OR52E8: variants seen among roughly 807,000 people sequenced by gnomAD.
The protein encoded by OR52E8 is olfactory receptor family 52 subfamily E member 8.
For synonymous variants in OR52E8, 167 were observed against 141.1 expected (o/e 1.18, Z -1.30); for missense variants, 451 against 383.9 (o/e 1.17, Z -1.46).
In OR52E8 at chr11:5,857,150, A is replaced by T; in HGVS notation, c.541T>A (p.Cys181Ser). 2 of 1,609,898 alleles carry T rather than the reference A, an allele frequency of 1.2e-6. No homozygotes were observed. Among genetic ancestry groups the T allele is most frequent in the South Asian group, 2.2e-5 (2 of 91,072 alleles). ...CGHRIIPHTY[C>S]EHMGIARLAC... Reference sequence around the variant, plus strand: ...AGACGGGCAATGCCCATGTGCTCACAATAAGTATGAGGGATGATACGATGC... The same window carrying T: ...AGACGGGCAATGCCCATGTGCTCACTATAAGTATGAGGGATGATACGATGC... The change falls in exon 1 of 1, where the codon TGT becomes AGT. Residue 181 changes from cysteine to serine, a missense_variant. Transcript: ENST00000537935.
Position 5,857,321 on chromosome 11 carries a change from G to A in OR52E8, c.370C>T (p.Arg124Cys), listed in dbSNP as rs199516514. The change falls in exon 1 of 1, where the codon CGC (arginine) becomes TGC (cysteine). Residue 124 changes from arginine (R) to cysteine (C), a missense_variant. Transcript: ENST00000537935. ...AGAGGTTTGCAAATGGCAATGTAGC[G>A]GTCAAAGGCCATGGCCACCAACACA... is the stretch of plus-strand genomic sequence containing the variant. ...SIVLVAMAFD[R>C]YIAICKPLRY... 204 of 1,610,114 alleles carry A rather than the reference G, an allele frequency of 1.3e-4. 2 individuals carry two copies. The highest frequency in any genetic ancestry group is 1.7e-4 in the Admixed American group (10 of 59,896).
rs1169290004 is a variant in OR52E8, at chr11:5,857,224, T to C, written c.467A>G (p.Tyr156Cys). 2 of 1,609,850 alleles carry C rather than the reference T, an allele frequency of 1.2e-6. No homozygotes were observed. The change falls in exon 1 of 1, where the codon TAC becomes TGC. Residue 156 changes from tyrosine to cysteine, a missense_variant. By Grantham distance (194) the Tyr-to-Cys change is radical. Transcript: ENST00000537935. ...IAGIAVLRSL[Y>C]MVVPLVFLLL... ...GAGAAACACCAGTGGAACAACCATG[T>C]ACAGGCTCCTCAGGACAGCAATGCC...
chr11:5,856,915 G>A lies in OR52E8; in HGVS notation c.776C>T (p.Ser259Leu), dbSNP rs781170349. Reference sequence around the variant, plus strand: ...ATGGCCAAAACGATGTGTCAAGAATGAAAAAAATGCTGGTGTAAAAAAGGC... The same window carrying A: ...ATGGCCAAAACGATGTGTCAAGAATAAAAAAAATGCTGGTGTAAAAAAGGC... ...ILAFFTPAFF[S>L]FLTHRFGHNI... The change falls in exon 1 of 1, where the codon TCA becomes TTA. Residue 259 changes from serine to leucine, a missense_variant. Ser to Leu is a moderately radical substitution (Grantham distance 145, BLOSUM62 -2). Transcript: ENST00000537935. 2 of 1,604,706 alleles carry A rather than the reference G, an allele frequency of 1.2e-6. No homozygotes were observed. Among genetic ancestry groups the A allele is most frequent in the East Asian group, 4.5e-5 (2 of 44,804 alleles).
chr11:5,857,264 T>C lies in OR52E8; in HGVS notation c.427A>G (p.Ile143Val), dbSNP rs779572622. 1.4e-5 allele frequency: 22 copies of C among 1,610,070 alleles called. 1 individual carries two copies. The highest frequency in any genetic ancestry group is 1.9e-5 in the Non-Finnish European group (22 of 1,179,932). ...RYTMILTSKI[I>V]SLIAGIAVLR... ...ACAGCAATGCCTGCAATGAGGCTGATGATTTTGCTGGTGAGGATCATGGTG... is the reference window on the plus strand; with the variant it reads ...ACAGCAATGCCTGCAATGAGGCTGACGATTTTGCTGGTGAGGATCATGGTG... Residue 143 changes from isoleucine (I) to valine (V), a missense_variant, in exon 1 of 1, where the codon ATC becomes GTC. Transcript: ENST00000537935.
In OR52E8 at chr11:5,857,241, AGCAATGCCT is replaced by A; in HGVS notation, c.441_449del (p.Gly148_Ala150del). On this transcript the variant is annotated inframe_deletion, in exon 1 of 1. Transcript: ENST00000537935. ...CAACCATGTACAGGCTCCTCAGGAC[AGCAATGCCT>A]GCAATGAGGCTGATGATTTTGCTGG... 6.2e-7 allele frequency: 1 copy of A among 1,610,080 alleles called. No individual in the cohort carries two copies. The highest frequency in any genetic ancestry group is 2.2e-5 in the East Asian group (1 of 44,842).
rs570172128 is a variant in OR52E8, at chr11:5,857,460, T to C, written c.231A>G (p.Thr77=). 5 of 1,610,048 alleles carry C rather than the reference T, an allele frequency of 3.1e-6. No individual in the cohort carries two copies. The highest frequency in any genetic ancestry group is 1.1e-5 in the South Asian group (1 of 91,068). The change falls in exon 1 of 1, where the codon ACA becomes ACG. Residue 77 remains threonine (T), a synonymous_variant. Transcript: ENST00000537935. ...TGCCCAACATTTTGGGGATGGTGGC[T>C]GTAGACAAGCCCAGGTCAATGGAAT... The part of the protein sequence containing the change: ...MLDSIDLGLS[T]ATIPKMLGIF...
Position 5,857,473 on chromosome 11 carries a change from A to T in OR52E8, c.218T>A (p.Leu73Gln). The T allele has an allele frequency of 6.2e-7, 1 of 1,610,016 alleles. No individual in the cohort carries two copies. The change falls in exon 1 of 1, where the codon CTG (leucine) becomes CAG (glutamine). Residue 73 changes from leucine to glutamine, a missense_variant. Transcript: ENST00000537935. ...GGGGATGGTGGCTGTAGACAAGCCC[A>T]GGTCAATGGAATCCAACATGGCCAG... ...YFLAMLDSID[L>Q]GLSTATIPKM... is the part of the protein sequence containing the mutation.
chr11:5,856,801 G>C lies in OR52E8; in HGVS notation c.890C>G (p.Thr297Arg). The C allele has an allele frequency of 2.5e-6, 4 of 1,599,992 alleles. 1 individual carries two copies. Among genetic ancestry groups the C allele is most frequent in the Middle Eastern group, 3.3e-4 (2 of 5,978 alleles). ...ALNPVIYGVR[T>R]KQIRERVLRI... ...CAGCACTCTCTCTCGAATCTGCTTT[G>C]TCCTGACTCCATAGATTACAGGATT... The change falls in exon 1 of 1, where the codon ACA becomes AGA. Residue 297 changes from threonine to arginine, a missense_variant. Transcript: ENST00000537935.
rs375303037 is a variant in OR52E8, at chr11:5,857,302, T to C, written c.389A>G (p.Lys130Arg). 6.2e-7 allele frequency: 1 copy of C among 1,610,280 alleles called. No individual in the cohort carries two copies. Among genetic ancestry groups the C allele is most frequent in the South Asian group, 1.1e-5 (1 of 91,066 alleles). ...MAFDRYIAIC[K>R]PLRYTMILTS... ...GAGGATCATGGTGTACCGAAGAGGTTTGCAAATGGCAATGTAGCGGTCAAA... is the reference window on the plus strand; with the variant it reads ...GAGGATCATGGTGTACCGAAGAGGTCTGCAAATGGCAATGTAGCGGTCAAA... The change falls in exon 1 of 1, where the codon AAA (lysine) becomes AGA (arginine). Residue 130 changes from lysine (K) to arginine (R), a missense_variant. Coordinates refer to ENST00000537935, the MANE Select transcript of OR52E8 (RefSeq NM_001005168.3).
In OR52E8 at chr11:5,856,815, G is replaced by T; in HGVS notation, c.876C>A (p.Ile292=). The T allele has an allele frequency of 6.2e-7, 1 of 1,605,086 alleles. No homozygotes were observed. The highest frequency in any genetic ancestry group is 1.1e-5 in the South Asian group (1 of 90,472). ...GAATCTGCTTTGTCCTGACTCCATAGATTACAGGATTGAGGGCTGGTGGGA... is the reference window on the plus strand; with the variant it reads ...GAATCTGCTTTGTCCTGACTCCATATATTACAGGATTGAGGGCTGGTGGGA... ...VVVPPALNPV[I]YGVRTKQIRE... The change falls in exon 1 of 1, where the codon ATC becomes ATA. Residue 292 remains isoleucine (I), a synonymous_variant. Coordinates refer to ENST00000537935, the MANE Select transcript of OR52E8 (RefSeq NM_001005168.3).
rs1203322691 is a variant in OR52E8, at chr11:5,857,394, G to C, written c.297C>G (p.Cys99Trp). Residue 99 changes from cysteine (C) to tryptophan (W), a missense_variant, in exon 1 of 1, where the codon TGC becomes TGG. Transcript: ENST00000537935. ...FNTKEISFGG[C>W]LSHMFFIHFF... ...AATGGATGAAGAACATGTGAGAAAGGCAGCCTCCAAAAGATATTTCTTTGG... is the reference window on the plus strand; with the variant it reads ...AATGGATGAAGAACATGTGAGAAAGCCAGCCTCCAAAAGATATTTCTTTGG... 8.1e-6 allele frequency: 13 copies of C among 1,610,280 alleles called. No homozygotes were observed. Among genetic ancestry groups the C allele is most frequent in the East Asian group, 2.2e-5 (1 of 44,844 alleles).
chr11:5,856,903 T>C lies in OR52E8; in HGVS notation c.788A>G (p.His263Arg). The C allele has an allele frequency of 3.1e-6, 5 of 1,606,442 alleles. No homozygotes were observed. Among genetic ancestry groups the C allele is most frequent in the South Asian group, 2.2e-5 (2 of 90,796 alleles). Residue 263 changes from histidine to arginine, a missense_variant, in exon 1 of 1, where the codon CAT becomes CGT. His to Arg is a conservative substitution (Grantham distance 29). Coordinates refer to ENST00000537935, the MANE Select transcript of OR52E8 (RefSeq NM_001005168.3). ...CTGTGGGATATTATGGCCAAAACGA[T>C]GTGTCAAGAATGAAAAAAATGCTGG... ...FTPAFFSFLT[H>R]RFGHNIPQYI...
Position 5,857,649 on chromosome 11 carries a change from G to T in OR52E8, c.42C>A (p.Phe14Leu). ...SNHTQFHPSS[F>L]LLLGIPGLED... is the part of the protein sequence containing the mutation. ...CTAGCCCTGGGATACCCAGCAGTAGGAATGAAGAAGGATGGAACTGGGTGT... is the reference window on the plus strand; with the variant it reads ...CTAGCCCTGGGATACCCAGCAGTAGTAATGAAGAAGGATGGAACTGGGTGT... Residue 14 changes from phenylalanine to leucine, a missense_variant, in exon 1 of 1, where the codon TTC (phenylalanine) becomes TTA (leucine). By Grantham distance (22) the Phe-to-Leu change is conservative. Coordinates refer to ENST00000537935, the MANE Select transcript of OR52E8 (RefSeq NM_001005168.3). 1 of 1,609,588 alleles carries T rather than the reference G, an allele frequency of 6.2e-7. No individual in the cohort carries two copies. The highest frequency in any genetic ancestry group is 8.5e-7 in the Non-Finnish European group (1 of 1,179,738).
chr11:5,857,576 C>T lies in OR52E8; in HGVS notation c.115G>A (p.Val39Ile), dbSNP rs374991651. Residue 39 changes from valine (V) to isoleucine (I), a missense_variant, in exon 1 of 1, where the codon GTT becomes ATT. By Grantham distance (29) the Val-to-Ile change is conservative. Coordinates refer to ENST00000537935, the MANE Select transcript of OR52E8 (RefSeq NM_001005168.3). ...AGAGCAGTGTTTCCCAGGAGTGCAA[C>T]AAGATACACAAAGAAAAAAGGGACT... is the stretch of plus-strand genomic sequence containing the variant. ...IGVPFFFVYL[V>I]ALLGNTALLF... is the part of the protein sequence containing the mutation. The T allele has an allele frequency of 2.9e-5, 46 of 1,580,664 alleles. 1 individual carries two copies. The highest frequency in any genetic ancestry group is 1.5e-4 in the South Asian group (14 of 90,620).
At position 5,857,080 on chromosome 11, in the gene OR52E8, T is replaced by A; in HGVS notation, c.611A>T (p.Asn204Ile). The A allele has an allele frequency of 6.2e-7, 1 of 1,608,810 alleles. No homozygotes were observed. The highest frequency in any genetic ancestry group is 8.5e-7 in the Non-Finnish European group (1 of 1,179,788). ...IKVNIRFGLG[N>I]ISLLLLDVIL... ...AACATCCAGTAACAAGAGAGATATG[T>A]TGCCAAGGCCAAACCTAATGTTGAC... Residue 204 changes from asparagine (N) to isoleucine (I), a missense_variant, in exon 1 of 1, where the codon AAC (asparagine) becomes ATC (isoleucine). Coordinates refer to ENST00000537935, the MANE Select transcript of OR52E8 (RefSeq NM_001005168.3).
In OR52E8 at chr11:5,857,216, C is replaced by T. The variant is rs766576153; in HGVS notation, c.475G>A (p.Val159Ile). 8 of 1,609,920 alleles carry T rather than the reference C, an allele frequency of 5.0e-6. No homozygotes were observed. Among genetic ancestry groups the T allele is most frequent in the Non-Finnish European group, 6.8e-6 (8 of 1,179,892 alleles). ...CTCAGAAGGAGAAACACCAGTGGAA[C>T]AACCATGTACAGGCTCCTCAGGACA... ...IAVLRSLYMV[V>I]PLVFLLLRLP... The change falls in exon 1 of 1, where the codon GTT (valine) becomes ATT (isoleucine). Residue 159 changes from valine (V) to isoleucine (I), a missense_variant. Val to Ile is a conservative substitution (Grantham distance 29). Transcript: ENST00000537935.
Position 5,856,888 on chromosome 11 carries a change from T to TAA in OR52E8, c.802_803insTT (p.Asn268IlefsTer11), listed in dbSNP as rs767710738. The TAA allele has an allele frequency of 8.1e-6, 13 of 1,606,722 alleles. 1 individual carries two copies. In the African/African-American group the frequency reaches 1.6e-4, roughly 20 times the overall value. On this transcript the variant is annotated frameshift_variant, in exon 1 of 1. Coordinates refer to ENST00000537935, the MANE Select transcript of OR52E8 (RefSeq NM_001005168.3). LOFTEE classifies it low-confidence loss of function (END_TRUNC). The stretch of plus-strand genomic sequence containing the variant: ...TATAATATGTATATACTGTGGGATA[T>TAA]TATGGCCAAAACGATGTGTCAAGAA...
At position 5,857,511 on chromosome 11, in the gene OR52E8, A is replaced by G. The variant is rs763343617; in HGVS notation, c.180T>C (p.Pro60=). 5.8e-5 allele frequency: 93 copies of G among 1,609,454 alleles called. 8 individuals are homozygous for G. In the African/African-American group the frequency reaches 1.0e-3, roughly 18 times the overall value. Reference sequence around the variant, plus strand: ...CCAACATGGCCAGGAAGTAGTACATAGGCTCATGGAGACTCTGCTCAGTCT... The same window carrying G: ...CCAACATGGCCAGGAAGTAGTACATGGGCTCATGGAGACTCTGCTCAGTCT... ...VIQTEQSLHE[P]MYYFLAMLDS... Residue 60 remains proline (P), a synonymous_variant, in exon 1 of 1, where the codon CCT becomes CCC. Coordinates refer to ENST00000537935, the MANE Select transcript of OR52E8 (RefSeq NM_001005168.3).
In OR52E8 at chr11:5,857,032, A is replaced by G. The variant is rs769338623; in HGVS notation, c.659T>C (p.Val220Ala). 6.2e-7 allele frequency: 1 copy of G among 1,608,204 alleles called. No individual in the cohort carries two copies. The highest frequency in any genetic ancestry group is 1.1e-5 in the South Asian group (1 of 91,046). The change falls in exon 1 of 1, where the codon GTC (valine) becomes GCC (alanine). Residue 220 changes from valine to alanine, a missense_variant. Transcript: ENST00000537935. ...LDVILIILSY[V>A]RILYAVFCLP... The stretch of plus-strand genomic sequence containing the variant: ...GCAGAAGACAGCATACAGGATCCTG[A>G]CATAGGAGAGAATAATAAGGATAAC...
Sources: gnomAD v4.1 joint callset for allele counts on GRCh38, gnomAD v4.1.1 for gene constraint, MANE v1.5 for transcripts, NCBI Gene and HGNC (gene_info 2026-07-23, HGNC 2026-07-21) for gene names.